Variants in AK9 observed in about 807,000 individuals in gnomAD.
The protein encoded by AK9 is adenylate kinase domain containing 1.
AK9 carries 191 observed loss-of-function variants against 239.6 expected under a neutral mutation model. The ratio of observed to expected loss-of-function variants is 0.80; its 90% CI spans 0.71 to 0.90. The LOEUF is 0.90. Among genes scored for constraint, AK9 ranks in the 40% least tolerant of loss-of-function variants. The pLI is 0.00. For synonymous variants in AK9, 689 were observed against 721.0 expected (o/e 0.96, Z 0.71); for missense variants, 1,995 against 2,214.7 (o/e 0.90, Z 1.99).
chr6:109,619,978 G>T (rs574846118), intron 12 of AK9, among the ~76,000 whole-genome samples: 2 of 152,080 alleles, frequency 1.3e-5, no homozygotes, highest in Non-Finnish European at 2.9e-5. Flanking sequence ...AGATTCATCA[G>T]TGTTATTGTG....
chr6:109,506,221 G>T, intron 35 of AK9, 106 bp downstream of exon 35: 1 of 974,500 alleles, frequency 1.0e-6, no homozygotes, highest in Non-Finnish European at 1.6e-6. Flanking sequence ...TACTTATTAA[G>T]TCACGCCTGA....
At chr6:109,531,159 G>A (rs1158484786) in intron 28 of AK9, among the ~76,000 whole-genome samples, 1 of 152,232 alleles carries the variant, frequency 6.6e-6, no homozygotes, top group African/African-American at 2.4e-5. Flanking sequence ...AAAAATTAGA[G>A]AATTTGGGAT....
At chr6:109,506,830 T>C (rs982324867) in intron 33 of AK9, 30 bp from the exon 34 acceptor site, 1 of 1,462,536 alleles carries the variant, frequency 6.8e-7, no homozygotes, top group Non-Finnish European at 9.0e-7. Context: ...AAATAAAAAT[T>C]CCACATTTCT....
At chr6:109,509,553 A>G (rs1778467586) in intron 32 of AK9, among the ~76,000 whole-genome samples, 173 bp from the exon 33 acceptor site, 1 of 152,124 alleles carries the variant, frequency 6.6e-6, no homozygotes, top group Non-Finnish European at 1.5e-5. Context: ...CACTGGCTGC[A>G]GCTGCCCAAA....
At position 109,684,329 on chromosome 6, in the gene AK9, T is replaced by C. The variant is rs948656438; in HGVS notation, c.-12+6818A>G. The stretch of plus-strand genomic sequence containing the variant: ...AACCTGCGCAATACCATTAAGGACA[T>C]AGGCACGGGCAAAGACTTCATGACT... On this transcript the variant is annotated intron_variant, in intron 1 of 40. Transcript: ENST00000424296. Among the ~76,000 whole-genome samples, 5 of 152,036 alleles carry C rather than the reference T, an allele frequency of 3.3e-5. No homozygotes were observed. The South Asian group carries it at 6.2e-4, about 19-fold the overall frequency.
At chr6:109,538,743 C>A (rs527408237) in intron 27 of AK9, among the ~76,000 whole-genome samples, 1 of 152,094 alleles carries the variant, frequency 6.6e-6, no homozygotes, top group South Asian at 2.1e-4. Context: ...TGGCTGGTAC[C>A]GGTTGTTCCT....
At chr6:109,656,917 T>C in intron 7 of AK9, 33 bp from the exon 8 acceptor site, 1 of 1,608,064 alleles carries the variant, frequency 6.2e-7, no homozygotes, top group Non-Finnish European at 8.5e-7. Context: ...CAAATATCTT[T>C]AGGTCAATGA....
chr6:109,669,513 T>C (rs1238700298), intron 5 of AK9, among the ~76,000 whole-genome samples: 2 of 152,182 alleles, frequency 1.3e-5, no homozygotes, highest in Admixed American at 6.5e-5. Context: ...CAGTATGATA[T>C]TGGCTGTGGG....
chr6:109,594,071 A>C (rs540745831), intron 17 of AK9, among the ~76,000 whole-genome samples: 66 of 152,358 alleles, frequency 4.3e-4, no homozygotes, highest in Non-Finnish European at 9.0e-4. Flanking sequence ...GAGGAAGCCA[A>C]AATTTATCTC....
At chr6:109,647,685 CAG>C (rs895856698) in intron 8 of AK9, among the ~76,000 whole-genome samples, 1 of 152,104 alleles carries the variant, frequency 6.6e-6, no homozygotes, top group Non-Finnish European at 1.5e-5. Context: ...ATCAACGAGA[CAG>C]AAAGTTAACA....
chr6:109,610,901 C>T (rs1417375102), intron 16 of AK9, among the ~76,000 whole-genome samples: 1 of 152,088 alleles, frequency 6.6e-6, no homozygotes, highest in Non-Finnish European at 1.5e-5. Context: ...CATGAGACTA[C>T]AAGGGACAGT....
At chr6:109,614,342 T>G in intron 14 of AK9, 43 bp downstream of exon 14, 1 of 1,548,814 alleles carries the variant, frequency 6.5e-7, no homozygotes, top group African/African-American at 1.4e-5. Context: ...CTATTTATAT[T>G]AGGGATGATT....
chr6:109,577,799 T>C (rs1788281115), intron 20 of AK9, among the ~76,000 whole-genome samples: 1 of 152,020 alleles, frequency 6.6e-6, no homozygotes, highest in African/African-American at 2.4e-5. Context: ...TGAATGATCT[T>C]TTGTGTTTCT....
At chr6:109,601,174 G>A (rs564098108) in intron 17 of AK9, among the ~76,000 whole-genome samples, 103 of 152,284 alleles carry the variant, frequency 6.8e-4, no homozygotes, top group Non-Finnish European at 8.4e-4. Flanking sequence ...ATGTTAGGGT[G>A]TCAATTTTAG....
At position 109,645,515 on chromosome 6, in the gene AK9, C is replaced by T. The variant is rs112124739; in HGVS notation, c.760-827G>A. Reference sequence around the variant, plus strand: ...GCAGCCAGGCTGGGCGAGGGGCATCCGCCATTGCTGAGGCTTGACTAGGTA... The same window carrying T: ...GCAGCCAGGCTGGGCGAGGGGCATCTGCCATTGCTGAGGCTTGACTAGGTA... On this transcript the variant is annotated intron_variant, in intron 8 of 40. Transcript: ENST00000424296. 8.8e-3 allele frequency among the ~76,000 whole-genome samples: 1,337 copies of T among 152,300 alleles called. 25 individuals are homozygous for T. The highest frequency in any genetic ancestry group is 0.03 in the African/African-American group (1,260 of 41,560).
chr6:109,554,204 G>C (rs1749920726), intron 24 of AK9, among the ~76,000 whole-genome samples: 1 of 152,104 alleles, frequency 6.6e-6, no homozygotes, highest in Non-Finnish European at 1.5e-5. Flanking sequence ...TCAGGCTGAT[G>C]CTTCATAAAA....
At chr6:109,538,603 A>G (rs199742347) in intron 27 of AK9, among the ~76,000 whole-genome samples, 3,858 of 152,030 alleles carry the variant, frequency 0.025, 96 homozygotes, top group East Asian at 0.11. Flanking sequence ...TAGCCCATTT[A>G]CATTTAAGGT....
rs77187519 is a variant in AK9, at chr6:109,512,652, T to C, written c.4279+1572A>G. Among the ~76,000 whole-genome samples, 421 of 152,326 alleles carry C rather than the reference T, an allele frequency of 2.8e-3. 1 individual carries two copies. The highest frequency in any genetic ancestry group is 9.7e-3 in the African/African-American group (402 of 41,568). On this transcript the variant is annotated intron_variant, in intron 32 of 40. Coordinates refer to ENST00000424296, the MANE Select transcript of AK9 (RefSeq NM_001145128.3). ...TCTCTATTCAGTCAGTCATTAAGAC[T>C]TATTGTTTTCCTTGGAAATGTATCC... is the stretch of plus-strand genomic sequence containing the variant.
chr6:109,514,334 T>G lies in AK9; in HGVS notation c.4169A>C (p.Lys1390Thr). Residue 1390 changes from lysine (K) to threonine (T), a missense_variant, in exon 32 of 41, where the codon AAA becomes ACA. By Grantham distance (78) the Lys-to-Thr change is moderately conservative. This residue lies in a region of AK9 where 1,290 missense variants were observed against 1,392.7 expected (regional missense o/e 0.93). Transcript: ENST00000424296. ...GATTGGGTTCTTCATAAATTTTTCTTTTGTTTCTTTACTAGATAAAAAATA... is the reference window on the plus strand; with the variant it reads ...GATTGGGTTCTTCATAAATTTTTCTGTTGTTTCTTTACTAGATAAAAAATA... ...YIYFLSSKET[K>T]EKFMKNPIKY... is the part of the protein sequence containing the mutation. 6.4e-7 allele frequency: 1 copy of G among 1,551,360 alleles called. No individual in the cohort carries two copies. The highest frequency in any genetic ancestry group is 8.7e-7 in the Non-Finnish European group (1 of 1,146,756).
Sources: gnomAD v4.1 joint callset for allele counts (sites outside exome capture counted in the v4.1 genomes callset) on GRCh38, gnomAD v4.1.1 for gene constraint, gnomAD v4.1.1 regional missense constraint, MANE v1.5 for transcripts, NCBI Gene and HGNC (gene_info 2026-07-23, HGNC 2026-07-21) for gene names.